The following LINGO2 variants were observed in gnomAD, a reference collection of about 807,000 sequenced individuals.
LINGO2 encodes the protein leucine-rich repeat and immunoglobulin-like domain-containing nogo receptor-interacting protein 2.
LINGO2 carries 14 observed loss-of-function variants against 30.6 expected under a neutral mutation model. That is an observed-to-expected ratio of 0.46 (90% CI 0.30 to 0.72). The LOEUF is 0.72. Among genes scored for constraint, LINGO2 ranks in the 30% least tolerant of loss-of-function variants. The probability of loss-of-function intolerance (pLI) is 0.07; values close to 1 mark genes in which losing one functional copy is unlikely to be tolerated. For missense variants in LINGO2, 729 were observed against 751.7 expected, an observed-to-expected ratio of 0.97 and a Z score of 0.35; for synonymous variants, 317 against 288.5, an observed-to-expected ratio of 1.10 and a Z score of -1.00.
At chr9:27,963,062 T>C (rs1044914296) in intron 5 of LINGO2, among the ~76,000 whole-genome samples, 3 of 152,142 alleles carry the variant, frequency 2.0e-5, no homozygotes, top group Non-Finnish European at 4.4e-5. Context: ...ATAGCATAAA[T>C]GTGTGCTCAC....
chr9:29,090,383 C>T, the LINGO2 span, among the ~76,000 whole-genome samples: 6 of 151,964 alleles, frequency 3.9e-5, no homozygotes, highest in African/African-American at 1.4e-4. Flanking sequence ...CTTGCAGGGT[C>T]TCCTTTTCAC....
At chr9:28,479,530 A>C (rs901303936) in intron 1 of LINGO2, among the ~76,000 whole-genome samples, 5 of 151,914 alleles carry the variant, frequency 3.3e-5, no homozygotes, top group African/African-American at 1.2e-4. Context: ...TTACTGCCAA[A>C]GATCTTTCTG....
intron 4 of LINGO2, among the ~76,000 whole-genome samples, chr9:28,131,736 T>C (rs1433245598): frequency 6.6e-6 from 1 of 152,158 alleles, no homozygotes; most frequent in Non-Finnish European, 1.5e-5. Flanking sequence ...AAAAGGTTGC[T>C]GACCCACCAC....
the LINGO2 span, among the ~76,000 whole-genome samples, chr9:28,949,366 G>T: frequency 1.3e-5 from 2 of 151,946 alleles, no homozygotes; most frequent in South Asian, 2.1e-4. Context: ...TATGTAGCCA[G>T]ACAAATAAAG....
At chr9:29,053,969 T>C in the LINGO2 span, among the ~76,000 whole-genome samples, 9 of 152,036 alleles carry the variant, frequency 5.9e-5, no homozygotes, top group African/African-American at 1.2e-4. Context: ...TTTATAATAT[T>C]AAAAGAATTT....
the LINGO2 span, among the ~76,000 whole-genome samples, chr9:29,103,529 A>G: frequency 6.7e-6 from 1 of 150,268 alleles, no homozygotes; most frequent in African/African-American, 2.5e-5. Flanking sequence ...TAATAAGTTT[A>G]TAATATTTCT....
intron 5 of LINGO2, among the ~76,000 whole-genome samples, chr9:27,970,552 T>C (rs1157136802): frequency 6.6e-6 from 1 of 152,168 alleles, no homozygotes; most frequent in Non-Finnish European, 1.5e-5. Context: ...AGTAAGGGGT[T>C]TGCATTTTAA....
intron 3 of LINGO2, among the ~76,000 whole-genome samples, chr9:28,359,887 T>G (rs183574274): frequency 6.6e-6 from 1 of 152,158 alleles, no homozygotes; most frequent in Admixed American, 6.6e-5. Flanking sequence ...AAGCACCAGT[T>G]TACCCTAGGG....
At chr9:28,048,718 A>G (rs183643510) in intron 4 of LINGO2, among the ~76,000 whole-genome samples, 4 of 151,042 alleles carry the variant, frequency 2.6e-5, no homozygotes, top group Admixed American at 1.3e-4. Flanking sequence ...AATGTCCAAG[A>G]TTAAAGGAAA....
the LINGO2 span, among the ~76,000 whole-genome samples, chr9:29,146,708 A>G: frequency 6.6e-6 from 1 of 152,298 alleles, no homozygotes; most frequent in East Asian, 1.9e-4. Flanking sequence ...TCTCATTAAT[A>G]CATCCTTCAA....
At chr9:28,554,103 T>C (rs1043220707) in intron 1 of LINGO2, among the ~76,000 whole-genome samples, 3 of 151,686 alleles carry the variant, frequency 2.0e-5, no homozygotes, top group Non-Finnish European at 2.9e-5. Context: ...ACGAGCAAAA[T>C]CACCAGCTAA....
intron 4 of LINGO2, among the ~76,000 whole-genome samples, chr9:28,186,621 AGAG>A (rs1198651729): frequency 6.6e-6 from 1 of 152,170 alleles, no homozygotes; most frequent in Non-Finnish European, 1.5e-5. Flanking sequence ...AATTTTATAA[AGAG>A]TAGTCCAGGA....
At chr9:28,053,152 T>G (rs539360995) in intron 4 of LINGO2, among the ~76,000 whole-genome samples, 1 of 152,046 alleles carries the variant, frequency 6.6e-6, no homozygotes, top group African/African-American at 2.4e-5. Context: ...AGAATTTGAC[T>G]TGGATTCAAG....
intron 4 of LINGO2, among the ~76,000 whole-genome samples, chr9:28,143,291 A>G (rs1309078550): frequency 6.6e-6 from 1 of 152,196 alleles, no homozygotes; most frequent in Non-Finnish European, 1.5e-5. Flanking sequence ...AGAGTCAAAG[A>G]AAGCACAAAT....
At chr9:28,682,793 A>C in the LINGO2 span, among the ~76,000 whole-genome samples, 413 of 152,242 alleles carry the variant, frequency 2.7e-3, 2 homozygotes, top group African/African-American at 9.5e-3. Context: ...TAATAAAAGG[A>C]ATTTATGCAG....
chr9:28,125,778 AAATACTAT>A (rs1268515337), intron 4 of LINGO2, among the ~76,000 whole-genome samples: 2 of 152,238 alleles, frequency 1.3e-5, no homozygotes, highest in African/African-American at 4.8e-5. Flanking sequence ...GACATTAATG[AAATACTAT>A]AATACTGCCT....
intron 4 of LINGO2, among the ~76,000 whole-genome samples, chr9:28,086,454 G>T: frequency 6.6e-6 from 1 of 151,922 alleles, no homozygotes; most frequent in Admixed American, 6.6e-5. Context: ...CCAAACACCT[G>T]CAATAAGCTT....
the LINGO2 span, among the ~76,000 whole-genome samples, chr9:28,830,050 C>G: frequency 0.19 from 29,396 of 152,072 alleles, 3,010 homozygotes; most frequent in Non-Finnish European, 0.23. Context: ...CAGGACTAGT[C>G]TGTAAAATCC....
At position 28,489,861 on chromosome 9, in the gene LINGO2, G is replaced by A. The variant is rs1274513087; in HGVS notation, c.-364-13836C>T. Among the ~76,000 whole-genome samples the A allele has an allele frequency of 7.0e-5, 9 of 128,496 alleles. No individual in the cohort carries two copies. In the Admixed American group the frequency reaches 8.4e-4, roughly 12 times the overall value. 84.3% of individuals were successfully genotyped at this position (128,496 alleles called of 152,430 possible). A position where few individuals can be genotyped will look rare whatever the true frequency, so the allele number is the denominator to read the frequency against. On this transcript the variant is annotated intron_variant, in intron 1 of 5. Coordinates refer to ENST00000379992, the Ensembl canonical transcript of LINGO2. Reference sequence around the variant, plus strand: ...TGCAGTTAGCCGAGATTGCACCACTGCACTCCAGCCTGGAAACAGAGCAAG... The same window carrying A: ...TGCAGTTAGCCGAGATTGCACCACTACACTCCAGCCTGGAAACAGAGCAAG...
Sources: gnomAD v4.1 joint callset for allele counts (sites outside exome capture counted in the v4.1 genomes callset) on GRCh38, gnomAD v4.1.1 for gene constraint, MANE v1.5 for transcripts, NCBI Gene and HGNC (gene_info 2026-07-23, HGNC 2026-07-21) for gene names.